Variants in ABCB1 observed in about 807,000 individuals in gnomAD.
ABCB1 encodes ATP-dependent translocase ABCB1.
Under a neutral mutation model 142.0 loss-of-function variants are expected in ABCB1, and 69 were observed. The observed-to-expected ratio is 0.49, with a 90% confidence interval of 0.40 to 0.59. ABCB1 has a LOEUF of 0.59. ABCB1 is among the 20% of genes least tolerant of loss of function. ABCB1 has a pLI of 0.00. For missense variants in ABCB1, 1,326 were observed against 1,554.7 expected, an observed-to-expected ratio of 0.85 and a Z score of 2.47; for synonymous variants, 532 against 539.2, an observed-to-expected ratio of 0.99 and a Z score of 0.18.
intron 17 of ABCB1, among the ~76,000 whole-genome samples, chr7:87,543,102 T>C (rs1038807587): frequency 1.3e-5 from 2 of 152,162 alleles, no homozygotes; most frequent in East Asian, 1.9e-4. Context: ...AAGACCACCC[T>C]GGCCAACATG....
intron 1 of ABCB1, among the ~76,000 whole-genome samples, chr7:87,621,120 C>T (rs918183783): frequency 6.6e-6 from 1 of 152,022 alleles, no homozygotes; most frequent in Non-Finnish European, 1.5e-5. Context: ...ATTAGAATCC[C>T]TATAGGCTTT....
intron 4 of ABCB1, among the ~76,000 whole-genome samples, chr7:87,580,428 G>A (rs1474442298): frequency 6.6e-6 from 1 of 152,090 alleles, no homozygotes; most frequent in African/African-American, 2.4e-5. Context: ...AGACATGTTG[G>A]AGCTCCTTTG....
chr7:87,660,832 T>TGGAAG (rs1330414506), intron 1 of ABCB1, among the ~76,000 whole-genome samples: 2 of 152,002 alleles, frequency 1.3e-5, no homozygotes, highest in Admixed American at 6.6e-5. Context: ...ATGAGTAATT[T>TGGAAG]GGAAGTCTTT....
chr7:87,566,005 C>A, intron 7 of ABCB1, 65 bp downstream of exon 7: 1 of 1,568,136 alleles, frequency 6.4e-7, no homozygotes, highest in Non-Finnish European at 8.8e-7. Flanking sequence ...AAAGACCTTT[C>A]CGTAGGGTGA....
At chr7:87,648,184 CAAAAAAA>C (rs138383809) in intron 1 of ABCB1, among the ~76,000 whole-genome samples, 1 of 65,464 alleles carries the variant, frequency 1.5e-5, no homozygotes, top group African/African-American at 5.5e-5. Context: ...GACTCTGTCT[CAAAAAAA>C]AAAAAAAAAA....
intron 27 of ABCB1, among the ~76,000 whole-genome samples, 159 bp from the exon 28 acceptor site, chr7:87,504,608 A>T (rs1490089705): frequency 6.6e-6 from 1 of 152,194 alleles, no homozygotes; most frequent in Non-Finnish European, 1.5e-5. Flanking sequence ...GATTGAGACC[A>T]TCCTGGCTAA....
chr7:87,615,977 G>A (rs974780599), intron 1 of ABCB1, among the ~76,000 whole-genome samples: 24 of 152,182 alleles, frequency 1.6e-4, no homozygotes, highest in South Asian at 8.3e-4. Context: ...ACAAGCTCAT[G>A]CGTGGCTTTG....
In ABCB1 at chr7:87,503,542, C is replaced by T. The variant is rs1814581492; in HGVS notation, c.*701G>A. 1 of 152,534 alleles carries T rather than the reference C, an allele frequency of 6.6e-6. No individual in the cohort carries two copies. Among genetic ancestry groups the T allele is most frequent in the South Asian group, 2.1e-4 (1 of 4,822 alleles). 9.4% of individuals were successfully genotyped at this position (152,534 alleles called of 1,614,324 possible). Reference sequence around the variant, plus strand: ...AAAGCAATGCAAAGTATTTACTATACATCTGAATAATATGCACTTCATAAT... The same window carrying T: ...AAAGCAATGCAAAGTATTTACTATATATCTGAATAATATGCACTTCATAAT... On this transcript the variant is annotated 3_prime_UTR_variant, in exon 28 of 28. Transcript: ENST00000622132.
At chr7:87,712,285 A>G (rs2130747869) in intron 1 of ABCB1, among the ~76,000 whole-genome samples, 1 of 152,248 alleles carries the variant, frequency 6.6e-6, no homozygotes, top group South Asian at 2.1e-4. Context: ...CAGTGAGATG[A>G]TGATAAAACC....
intron 21 of ABCB1, chr7:87,522,379 T>C (rs935002808): frequency 2.8e-6 from 2 of 708,588 alleles, no homozygotes; most frequent in Admixed American, 1.8e-5. Context: ...GCAGTTCCAG[T>C]AGCAGCAGTA....
chr7:87,669,442 C>T (rs1825613806), intron 1 of ABCB1, among the ~76,000 whole-genome samples: 1 of 151,982 alleles, frequency 6.6e-6, no homozygotes, highest in Admixed American at 6.6e-5. Context: ...TCTCACTGTG[C>T]CTTTTAAGTG....
In ABCB1 at chr7:87,531,342, C is replaced by A; in HGVS notation, c.2637G>T (p.Leu879Phe). Residue 879 changes from leucine to phenylalanine, a missense_variant, in exon 21 of 28, where the codon TTG (leucine) becomes TTT (phenylalanine). Physicochemically the swap from Leu to Phe is conservative, Grantham distance 22. Transcript: ENST00000622132. ...TCTTATCTTTCAGTGCTTGTCCAGA[C>A]AACATTTTCATTTCAACAACTCCTG... ...AIAGVVEMKM[L>F]SGQALKDKKE... The A allele has an allele frequency of 6.2e-7, 1 of 1,613,448 alleles. No individual in the cohort carries two copies. Among genetic ancestry groups the A allele is most frequent in the Non-Finnish European group, 8.5e-7 (1 of 1,179,656 alleles).
Position 87,626,283 on chromosome 7 carries a change from G to C in ABCB1, c.-330-25205C>G, listed in dbSNP as rs369628887. Reference sequence around the variant, plus strand: ...TGTGTCATATATGTGTCATATATATGTGTCATATATGTGTCATATATATGT... The same window carrying C: ...TGTGTCATATATGTGTCATATATATCTGTCATATATGTGTCATATATATGT... On this transcript the variant is annotated intron_variant, in intron 1 of 28. Transcript: ENST00000265724. Among the ~76,000 whole-genome samples the C allele has an allele frequency of 2.7e-4, 14 of 52,666 alleles. 1 individual carries two copies. Among genetic ancestry groups the C allele is most frequent in the East Asian group, 1.1e-3 (1 of 928 alleles). The allele number at this position is 52,666 out of a possible 152,430, so 34.6% of individuals were successfully genotyped here.
rs1207175862 is a variant in ABCB1, at chr7:87,544,846, TTC to T, written c.2039_2040del (p.Arg680LysfsTer3). 1 of 1,613,988 alleles carries T rather than the reference TTC, an allele frequency of 6.2e-7. No individual in the cohort carries two copies. The highest frequency in any genetic ancestry group is 8.5e-7 in the Non-Finnish European group (1 of 1,180,024). ...ACCAGAGCCTCTTTGGTACTAAGCTTTCTGTCTTGGGCTTGTGATCCACGGAC... is the reference window on the plus strand; with the variant it reads ...ACCAGAGCCTCTTTGGTACTAAGCTTTGTCTTGGGCTTGTGATCCACGGAC... Reference protein sequence around the residue: ...RSVRGSQAQDRKLSTKEALDE... With the variant: ...RSVRGSQAQDXKLSTKEALDE... On this transcript the variant is annotated frameshift_variant, in exon 16 of 28. Transcript: ENST00000622132. LOFTEE classifies it high-confidence loss of function.
intron 8 of ABCB1, among the ~76,000 whole-genome samples, chr7:87,554,350 A>AG (rs1554432820): frequency 2.0e-5 from 3 of 151,132 alleles, no homozygotes; most frequent in African/African-American, 2.4e-5. Flanking sequence ...AAAAAAAAAA[A>AG]GGGACAGTCA....
intron 18 of ABCB1, among the ~76,000 whole-genome samples, chr7:87,539,958 C>T (rs1584860550): frequency 1.3e-5 from 2 of 152,160 alleles, no homozygotes; most frequent in Non-Finnish European, 2.9e-5. Context: ...TTTACCTCCT[C>T]CAAACACCTG....
At chr7:87,694,053 T>C in intron 1 of ABCB1, 1 of 1,563,960 alleles carries the variant, frequency 6.4e-7, no homozygotes, top group Non-Finnish European at 8.6e-7. Context: ...TGATCTTTTT[T>C]AGTACATTGC....
At position 87,650,861 on chromosome 7, in the gene ABCB1, G is replaced by C. The variant is rs762007400; in HGVS notation, c.-330-49783C>G. ...CCCTGATTGATCGGTCTTGCTTTGA[G>C]ACAATTGATGATTCTTCTCCTGAAT... On this transcript the variant is annotated intron_variant, in intron 1 of 28. Transcript: ENST00000265724. 3 of 1,612,790 alleles carry C rather than the reference G, an allele frequency of 1.9e-6. No individual in the cohort carries two copies. The highest frequency in any genetic ancestry group is 1.3e-5 in the African/African-American group (1 of 74,922).
At chr7:87,708,443 G>A (rs2188527) in intron 1 of ABCB1, among the ~76,000 whole-genome samples, 15,691 of 151,988 alleles carry the variant, frequency 0.1, 1,000 homozygotes, top group African/African-American at 0.18. Context: ...AAACTAACAC[G>A]AAAAGGATGG....
Sources: allele counts gnomAD v4.1 joint callset (sites outside exome capture counted in the v4.1 genomes callset), GRCh38; gene constraint gnomAD v4.1.1; transcripts MANE v1.5; gene names NCBI Gene and HGNC (gene_info 2026-07-23, HGNC 2026-07-21).